COQ7: variants seen among roughly 807,000 people sequenced by gnomAD.
The protein encoded by COQ7 is NADPH-dependent 3-demethoxyubiquinone 3-hydroxylase, mitochondrial.
Under a neutral mutation model 25.0 loss-of-function variants are expected in COQ7, and 21 were observed. The observed-to-expected ratio is 0.84, with a 90% CI of 0.60 to 1.21. The LOEUF is 1.21. Among genes scored for constraint, COQ7 ranks in the 50% most tolerant of loss-of-function variants. The probability of loss-of-function intolerance (pLI) is 0.00; values close to 1 mark genes in which losing one functional copy is unlikely to be tolerated. For synonymous variants in COQ7, 125 were observed against 112.4 expected (o/e 1.11, Z -0.71); for missense variants, 311 against 296.2 (o/e 1.05, Z -0.37).
In COQ7 at chr16:19,072,021, A is replaced by G. The variant is rs753239685; in HGVS notation, c.167A>G (p.Asp56Gly). Residue 56 changes from aspartate to glycine, a missense_variant, in exon 2 of 6, where the codon GAT (aspartate) becomes GGT (glycine). Coordinates refer to ENST00000321998, the MANE Select transcript of COQ7 (RefSeq NM_016138.5). ...RAAVDRIIRVDHAGEYGANRI... is the reference protein window; with the variant it reads ...RAAVDRIIRVGHAGEYGANRI... ...GCTGTGGATCGAATAATCCGGGTGG[A>G]TCATGCAGGCGAATATGGAGCAAAC... 1.2e-6 allele frequency: 2 copies of G among 1,614,238 alleles called. No homozygotes were observed. Among genetic ancestry groups the G allele is most frequent in the South Asian group, 2.2e-5 (2 of 91,088 alleles).
chr16:19,080,542 C>G (rs992124431), downstream of COQ7, among the ~76,000 whole-genome samples: 5 of 152,048 alleles, frequency 3.3e-5, no homozygotes, highest in African/African-American at 1.2e-4. Flanking sequence ...TCAAGATTGT[C>G]TTTTTTGACC....
chr16:19,069,768 G>T (rs1273873238), intron 1 of COQ7, among the ~76,000 whole-genome samples: 1 of 151,690 alleles, frequency 6.6e-6, no homozygotes, highest in Non-Finnish European at 1.5e-5. Context: ...TTAGAGATGG[G>T]ACACATGTTT....
In COQ7 at chr16:19,078,369, T is replaced by C. The variant is rs193246269; in HGVS notation, c.*211T>C. The C allele has an allele frequency of 1.5e-3, 601 of 394,396 alleles. 5 individuals are homozygous for C. The highest frequency in any genetic ancestry group is 0.012 in the African/African-American group (571 of 48,200). The allele number at this position is 394,396 out of a possible 1,614,324, so 24.4% of individuals were successfully genotyped here. The stretch of plus-strand genomic sequence containing the variant: ...CATGAGACCAACAGGTCACCAGCCT[T>C]GTTCAAGTTACAGCAAACGAAGCTG... On this transcript the variant is annotated 3_prime_UTR_variant, in exon 6 of 6. Coordinates refer to ENST00000321998, the MANE Select transcript of COQ7 (RefSeq NM_016138.5).
intron 3 of COQ7, 199 bp downstream of exon 3, chr16:19,074,234 TA>T (rs200340978): frequency 1.7e-3 from 704 of 420,118 alleles, no homozygotes; most frequent in South Asian, 2.4e-3. Flanking sequence ...GTCAGTACTT[TA>T]AAAAAAAAGG....
chr16:19,076,585 C>CTTTTTTTTTTTT (rs67725348), intron 4 of COQ7, among the ~76,000 whole-genome samples: 1 of 80,510 alleles, frequency 1.2e-5, no homozygotes, highest in African/African-American at 5.1e-5. Context: ...GTGCTGTTCA[C>CTTTTTTTTTTTT]TTTTTTTTTT....
rs552635272 is a variant in COQ7 at position 19,069,984 on chromosome 16, A to G, written c.74-1944A>G. ...TTTTTGGTAGAGATGGGTTTTCACC[A>G]TTTTGGCCAGGCTGGTCTTGAACTC... On this transcript the variant is annotated intron_variant, in intron 1 of 5. Coordinates refer to ENST00000321998, the MANE Select transcript of COQ7 (RefSeq NM_016138.5). 1.8e-4 allele frequency among the ~76,000 whole-genome samples: 28 copies of G among 151,778 alleles called. 1 individual carries two copies. In the East Asian group the frequency reaches 3.1e-3, roughly 17 times the overall value.
chr16:19,080,619 A>C (rs1963079942), downstream of COQ7, among the ~76,000 whole-genome samples: 1 of 152,152 alleles, frequency 6.6e-6, no homozygotes, highest in African/African-American at 2.4e-5. Flanking sequence ...GGGATTGCCA[A>C]AATAAGAATA....
intron 3 of COQ7, 123 bp from the exon 4 acceptor site, chr16:19,075,598 C>G: frequency 9.3e-7 from 1 of 1,071,512 alleles, no homozygotes; most frequent in Non-Finnish European, 1.3e-6. Context: ...GGGACAGCCC[C>G]TGTCACAAAG....
At chr16:19,069,768 G>A (rs1273873238) in intron 1 of COQ7, among the ~76,000 whole-genome samples, 1 of 151,690 alleles carries the variant, frequency 6.6e-6, no homozygotes, top group Non-Finnish European at 1.5e-5. Flanking sequence ...TTAGAGATGG[G>A]ACACATGTTT....
chr16:19,067,644 T>TTG lies in COQ7; in HGVS notation c.-20_-19dup. The TTG allele has an allele frequency of 6.2e-7, 1 of 1,613,440 alleles. No homozygotes were observed. On this transcript the variant is annotated 5_prime_UTR_variant, in exon 1 of 6. Transcript: ENST00000321998. ...TGGCCAGTTCCGTTCAACGAAGTGG[T>TTG]TGCTTTTTTTAGTTCCGGCAATGAG...
chr16:19,074,534 C>A (rs1249489553), intron 3 of COQ7, among the ~76,000 whole-genome samples: 2 of 151,358 alleles, frequency 1.3e-5, no homozygotes, highest in African/African-American at 4.9e-5. Flanking sequence ...CAAAAAAAAA[C>A]CAAAACAAAA....
At chr16:19,080,764 G>A (rs1596840935), downstream of COQ7, among the ~76,000 whole-genome samples, 2 of 152,148 alleles carry the variant, frequency 1.3e-5, no homozygotes, top group Admixed American at 1.3e-4. Context: ...GGGTTATTAT[G>A]TTAAGTTATT....
In COQ7 at chr16:19,078,064, C is replaced by G. The variant is rs370145869; in HGVS notation, c.577-17C>G. 3.8e-6 allele frequency: 6 copies of G among 1,580,832 alleles called. No individual in the cohort carries two copies. Among genetic ancestry groups the G allele is most frequent in the Middle Eastern group, 1.7e-4 (1 of 5,932 alleles). On this transcript the variant is annotated splice_polypyrimidine_tract_variant and intron_variant, in intron 5 of 5. Transcript: ENST00000321998. Reference sequence around the variant, plus strand: ...AGCACATAACATGTTTCTTTGTTTGCTTATTGTTTTTAACAGGCTCCAGCC... The same window carrying G: ...AGCACATAACATGTTTCTTTGTTTGGTTATTGTTTTTAACAGGCTCCAGCC...
At chr16:19,071,880 A>T (rs1380247888) in intron 1 of COQ7, 48 bp from the exon 2 acceptor site, 1 of 1,606,570 alleles carries the variant, frequency 6.2e-7, no homozygotes, top group African/African-American at 1.3e-5. Context: ...TAAAAGGAAC[A>T]TCTGGATTTT....
chr16:19,072,179 A>C, intron 2 of COQ7, 73 bp downstream of exon 2: 1 of 1,572,824 alleles, frequency 6.4e-7, no homozygotes. Context: ...GTAATGAATC[A>C]TGGGAGGTCA....
chr16:19,077,691 C>A (rs1296704583), intron 5 of COQ7, among the ~76,000 whole-genome samples: 2 of 150,396 alleles, frequency 1.3e-5, no homozygotes, highest in Admixed American at 6.7e-5. Context: ...CAGGTTCAAG[C>A]AATTCTGCCT....
chr16:19,075,861 G>GT lies in COQ7; in HGVS notation c.507+2dup. 6.2e-7 allele frequency: 1 copy of GT among 1,614,176 alleles called. No homozygotes were observed. The highest frequency in any genetic ancestry group is 8.5e-7 in the Non-Finnish European group (1 of 1,180,010). On this transcript the variant is annotated splice_donor_variant, in intron 4 of 5. Transcript: ENST00000321998. LOFTEE classifies it high-confidence loss of function. ...TGAAAAATACGAGGAACTTCTTCAG[G>GT]TATTTATCCGTGCTCTAGAACGGGG... is the stretch of plus-strand genomic sequence containing the variant.
rs1962918179 is a variant in COQ7 at position 19,077,590 on chromosome 16, C to CATTTTTTTTTTTTTTT, written c.576+216_576+217insATTTTTTTTTTTTTTT. On this transcript the variant is annotated intron_variant, in intron 5 of 5. Transcript: ENST00000321998. ...TATGCCTTCTCCTTTTCCCCAGAAG[C>CATTTTTTTTTTTTTTT]TTTTTTTTTTTTTTCCCAGACACAG... Among the ~76,000 whole-genome samples the CATTTTTTTTTTTTTTT allele has an allele frequency of 8.1e-5, 6 of 74,404 alleles. No homozygotes were observed. In the South Asian group the frequency reaches 2.8e-3, roughly 34 times the overall value. The allele number at this position is 74,404 out of a possible 152,430, so 48.8% of individuals were successfully genotyped here. A position where few individuals can be genotyped will look rare whatever the true frequency, so the allele number is the denominator to read the frequency against.
intron 2 of COQ7, among the ~76,000 whole-genome samples, chr16:19,072,912 T>C (rs4494518): frequency 0.93 from 140,973 of 152,268 alleles, 65,635 homozygotes; most frequent in Non-Finnish European, 0.97. Flanking sequence ...GGCTCACGCC[T>C]GTAATCCCAG....
Sources: allele counts gnomAD v4.1 joint callset (sites outside exome capture counted in the v4.1 genomes callset), GRCh38; gene constraint gnomAD v4.1.1; transcripts MANE v1.5; gene names NCBI Gene and HGNC (gene_info 2026-07-23, HGNC 2026-07-21).